SLC6A2: variants seen among roughly 807,000 people sequenced by gnomAD.
The protein encoded by SLC6A2 is sodium-dependent noradrenaline transporter.
SLC6A2 carries 26 observed loss-of-function variants against 71.7 expected under a neutral mutation model. That is an observed-to-expected ratio of 0.36 (90% CI 0.27 to 0.50). The LOEUF (loss-of-function observed/expected upper bound fraction) is 0.50, where lower values mean the gene tolerates loss of function less well. SLC6A2 is among the 20% of genes least tolerant of loss of function. The probability of loss-of-function intolerance (pLI) is 0.96; values close to 1 mark genes in which losing one functional copy is unlikely to be tolerated. For missense variants in SLC6A2, 581 were observed against 803.9 expected (o/e 0.72, Z 3.35); for synonymous variants, 363 against 337.9 (o/e 1.07, Z -0.82).
chr16:55,674,694 G>C (rs543743550), intron 4 of SLC6A2, among the ~76,000 whole-genome samples: 9 of 152,120 alleles, frequency 5.9e-5, no homozygotes. Flanking sequence ...CAAAGTGCTG[G>C]GATTACAGGC....
chr16:55,667,507 C>T (rs145393017), intron 2 of SLC6A2, among the ~76,000 whole-genome samples: 2 of 152,220 alleles, frequency 1.3e-5, no homozygotes, highest in African/African-American at 4.8e-5. Context: ...ACCCCACTGC[C>T]TACCTCCATC....
chr16:55,658,616 C>T (rs935225635), intron 2 of SLC6A2, among the ~76,000 whole-genome samples: 1 of 152,158 alleles, frequency 6.6e-6, no homozygotes, highest in Non-Finnish European at 1.5e-5. Context: ...AGAAAGTTAA[C>T]CCAAGGTTGG....
At position 55,692,055 on chromosome 16, in the gene SLC6A2, C is replaced by A; in HGVS notation, c.918+3C>A. The A allele has an allele frequency of 6.2e-7, 1 of 1,614,146 alleles. No homozygotes were observed. The highest frequency in any genetic ancestry group is 1.1e-5 in the South Asian group (1 of 91,064). On this transcript the variant is annotated splice_donor_region_variant and intron_variant, in intron 6 of 14. Transcript: ENST00000568943. ...TCTACCGCTTGAAAGAGGCCACGGT[C>A]AGTGCTCAGTGACCACCAAGCCTTG...
At chr16:55,696,464 C>G (rs1199620962) in intron 9 of SLC6A2, 127 bp downstream of exon 9, 4 of 721,128 alleles carry the variant, frequency 5.5e-6, no homozygotes, top group African/African-American at 5.2e-5. Context: ...TCCAGAAGGC[C>G]CTATTTAAAT....
At chr16:55,702,196 C>T (rs1485441307) in intron 14 of SLC6A2, 127 bp from the exon 15 acceptor site, 2 of 968,622 alleles carry the variant, frequency 2.1e-6, no homozygotes, top group Middle Eastern at 2.1e-4. Context: ...CTTGCACGTT[C>T]CCTGAGGTCC....
chr16:55,672,212 C>T (rs780251525), intron 4 of SLC6A2, 37 bp downstream of exon 4: 2 of 1,614,134 alleles, frequency 1.2e-6, no homozygotes, highest in Non-Finnish European at 1.7e-6. Flanking sequence ...CCTGTTGAGG[C>T]CAGTGCTTGG....
intron 2 of SLC6A2, among the ~76,000 whole-genome samples, chr16:55,659,429 C>G (rs1277758816): frequency 6.6e-6 from 1 of 152,154 alleles, no homozygotes; most frequent in African/African-American, 2.4e-5. Flanking sequence ...GCAAACTTGT[C>G]ACGAGTTCCA....
At chr16:55,668,009 G>A (rs137878235) in intron 2 of SLC6A2, among the ~76,000 whole-genome samples, 1 of 152,332 alleles carries the variant, frequency 6.6e-6, no homozygotes, top group Admixed American at 6.5e-5. Context: ...TCTGGGTAGT[G>A]TAAGTGGGAT....
chr16:55,691,040 T>C (rs1185435596), intron 5 of SLC6A2, among the ~76,000 whole-genome samples: 1 of 152,046 alleles, frequency 6.6e-6, no homozygotes, highest in African/African-American at 2.4e-5. Context: ...GAGGTTCTGC[T>C]TTCTGCCCAG....
chr16:55,658,285 G>A (rs1018338441), intron 2 of SLC6A2, among the ~76,000 whole-genome samples: 2 of 152,248 alleles, frequency 1.3e-5, no homozygotes, highest in South Asian at 4.1e-4. Flanking sequence ...GACAAAGTGG[G>A]CAGATTGCCT....
chr16:55,687,587 C>T (rs1363432693), intron 5 of SLC6A2, among the ~76,000 whole-genome samples: 6 of 152,148 alleles, frequency 3.9e-5, no homozygotes, highest in Non-Finnish European at 5.9e-5. Context: ...TCCTGGGTAC[C>T]AGGAGCAGAG....
Position 55,697,178 on chromosome 16 carries a change from C to T in SLC6A2, c.1261-719C>T, listed in dbSNP as rs114524870. Among the ~76,000 whole-genome samples, 424 of 152,286 alleles carry T rather than the reference C, an allele frequency of 2.8e-3. 3 individuals are homozygous for T. The highest frequency in any genetic ancestry group is 9.6e-3 in the African/African-American group (401 of 41,564). ...CTGGCACTTGGTTTTCCTCCCACTGCCTTTTGCTTTCAGTCAGCAGATCTG... is the reference window on the plus strand; with the variant it reads ...CTGGCACTTGGTTTTCCTCCCACTGTCTTTTGCTTTCAGTCAGCAGATCTG... On this transcript the variant is annotated intron_variant, in intron 9 of 14. Transcript: ENST00000568943.
chr16:55,676,749 G>A (rs556403807), intron 4 of SLC6A2, among the ~76,000 whole-genome samples: 10 of 152,324 alleles, frequency 6.6e-5, no homozygotes, highest in African/African-American at 2.2e-4. Context: ...TTTTAATCCT[G>A]ACCACTGTGG....
chr16:55,694,675 G>A (rs1424861495), intron 7 of SLC6A2, among the ~76,000 whole-genome samples: 3 of 152,206 alleles, frequency 2.0e-5, no homozygotes, highest in Admixed American at 2.0e-4. Flanking sequence ...ACAGAGTCCA[G>A]TGAATTCATA....
chr16:55,683,495 C>T (rs1965345394), intron 4 of SLC6A2, among the ~76,000 whole-genome samples: 1 of 152,030 alleles, frequency 6.6e-6, no homozygotes, highest in South Asian at 2.1e-4. Flanking sequence ...CTTCTGTAAT[C>T]CCAGGTATTC....
At chr16:55,660,024 A>T (rs1894416978) in intron 2 of SLC6A2, among the ~76,000 whole-genome samples, 1 of 152,180 alleles carries the variant, frequency 6.6e-6, no homozygotes. Context: ...TATGAAATGG[A>T]TGGAGAGACA....
At chr16:55,675,272 C>T (rs987321072) in intron 4 of SLC6A2, among the ~76,000 whole-genome samples, 1 of 152,180 alleles carries the variant, frequency 6.6e-6, no homozygotes, top group African/African-American at 2.4e-5. Context: ...CACAAACATG[C>T]TAGCAGGTAA....
chr16:55,699,959 G>T (rs1965918311), intron 12 of SLC6A2, among the ~76,000 whole-genome samples, 180 bp from the exon 13 acceptor site: 1 of 152,026 alleles, frequency 6.6e-6, no homozygotes, highest in Non-Finnish European at 1.5e-5. Context: ...CTTGCTTCTT[G>T]AATTCTTTCT....
At chr16:55,691,116 A>T (rs1424684905) in intron 5 of SLC6A2, among the ~76,000 whole-genome samples, 1 of 149,686 alleles carries the variant, frequency 6.7e-6, no homozygotes, top group Non-Finnish European at 1.5e-5. Context: ...AAAGAAAAAA[A>T]GGAAGAGATA....
Sources: allele counts gnomAD v4.1 joint callset (sites outside exome capture counted in the v4.1 genomes callset), GRCh38; gene constraint gnomAD v4.1.1; transcripts MANE v1.5; gene names NCBI Gene and HGNC (gene_info 2026-07-23, HGNC 2026-07-21).